The following CSGALNACT1 variants were observed in gnomAD, a reference collection of about 807,000 sequenced individuals.
The protein encoded by CSGALNACT1 is beta4GalNAcT-1.
A neutral mutation model predicts 51.0 loss-of-function variants in CSGALNACT1; 52 were observed. The observed-to-expected ratio is 1.02, with a 90% CI of 0.82 to 1.29. CSGALNACT1 has a LOEUF of 1.29. Among genes scored for constraint, CSGALNACT1 ranks in the 50% most tolerant of loss-of-function variants. The probability of loss-of-function intolerance (pLI) is 0.00; values close to 1 mark genes in which losing one functional copy is unlikely to be tolerated. For synonymous variants in CSGALNACT1, 341 were observed against 254.4 expected (o/e 1.34, Z -3.24); for missense variants, 935 against 679.2 (o/e 1.38, Z -4.19).
At chr8:19,542,950 G>A (rs919768035) in intron 3 of CSGALNACT1, among the ~76,000 whole-genome samples, 3 of 152,038 alleles carry the variant, frequency 2.0e-5, no homozygotes, top group African/African-American at 7.2e-5. Context: ...ATATCAGAGA[G>A]GTATGAGCTA....
At chr8:19,480,035 A>G (rs1390599381) in intron 4 of CSGALNACT1, among the ~76,000 whole-genome samples, 1 of 152,234 alleles carries the variant, frequency 6.6e-6, no homozygotes, top group Non-Finnish European at 1.5e-5. Flanking sequence ...TTGAATTACA[A>G]ATAACTACAA....
rs139313859 is a variant in CSGALNACT1 at position 19,751,208 on chromosome 8, T to C, written c.-297+6642A>G. The stretch of plus-strand genomic sequence containing the variant: ...GTCCTGGAGCCAGGCAGACGTGCAC[T>C]AAGGCCCAGCTACACCACTTACTAG... On this transcript the variant is annotated intron_variant, in intron 1 of 1. Transcript: ENST00000517494. Among the ~76,000 whole-genome samples the C allele has an allele frequency of 4.6e-5, 7 of 152,292 alleles. No individual in the cohort carries two copies. The East Asian group carries it at 1.4e-3, about 29-fold the overall frequency.
chr8:19,692,995 TC>T (rs2061406974), intron 1 of CSGALNACT1, among the ~76,000 whole-genome samples: 1 of 152,106 alleles, frequency 6.6e-6, no homozygotes, highest in Admixed American at 6.6e-5. Context: ...CCAGGTGAAA[TC>T]CATGATGCCA....
At chr8:19,427,606 G>T (rs1288423645) in intron 6 of CSGALNACT1, among the ~76,000 whole-genome samples, 4 of 152,114 alleles carry the variant, frequency 2.6e-5, no homozygotes, top group Non-Finnish European at 5.9e-5. Context: ...GGCTAACACG[G>T]TGAAACCCTG....
At chr8:19,411,070 T>C (rs2055603265) in intron 8 of CSGALNACT1, among the ~76,000 whole-genome samples, 1 of 152,180 alleles carries the variant, frequency 6.6e-6, no homozygotes. Context: ...ATTTTCTCCC[T>C]CTTGGATTCT....
At chr8:19,684,154 TG>T (rs2060831996), upstream of CSGALNACT1, among the ~76,000 whole-genome samples, 1 of 149,968 alleles carries the variant, frequency 6.7e-6, no homozygotes, top group Non-Finnish European at 1.5e-5. Context: ...CAACAGAACT[TG>T]ACTCCATCTC....
intron 3 of CSGALNACT1, chr8:19,585,073 G>A (rs1421627759): frequency 6.6e-6 from 1 of 152,210 alleles, no homozygotes; most frequent in African/African-American, 2.4e-5. Flanking sequence ...CTGCTAAGAA[G>A]TACTTCCCAG....
At chr8:19,576,535 A>G (rs2044256673) in intron 3 of CSGALNACT1, among the ~76,000 whole-genome samples, 3 of 151,758 alleles carry the variant, frequency 2.0e-5, no homozygotes, top group Admixed American at 2.0e-4. Context: ...TGGTGATAAG[A>G]TTGCTGTCAC....
intron 4 of CSGALNACT1, among the ~76,000 whole-genome samples, chr8:19,484,158 C>G (rs960869439): frequency 7.7e-6 from 1 of 130,076 alleles, no homozygotes; most frequent in African/African-American, 2.9e-5. Flanking sequence ...TTTTATTTTA[C>G]TTAATAATGG....
chr8:19,575,147 C>T (rs898041805), intron 3 of CSGALNACT1, among the ~76,000 whole-genome samples: 2 of 152,150 alleles, frequency 1.3e-5, no homozygotes, highest in African/African-American at 2.4e-5. Flanking sequence ...ATTTGGATCT[C>T]TAGTGCAAAA....
At chr8:19,615,800 G>A (rs1233081766) in intron 1 of CSGALNACT1, among the ~76,000 whole-genome samples, 1 of 151,982 alleles carries the variant, frequency 6.6e-6, no homozygotes, top group Non-Finnish European at 1.5e-5. Context: ...AAAGATGAAT[G>A]ACAACATTTA....
chr8:19,458,624 C>T (rs1424003273), exon 5 of CSGALNACT1: 1 of 1,613,994 alleles, frequency 6.2e-7, no homozygotes, highest in Non-Finnish European at 8.5e-7. Context: ...CCCTTTGTCC[C>T]TTTCTGTTCG....
At chr8:19,527,017 C>CCTAT (rs1167266360) in intron 3 of CSGALNACT1, among the ~76,000 whole-genome samples, 5 of 152,200 alleles carry the variant, frequency 3.3e-5, no homozygotes, top group Non-Finnish European at 7.3e-5. Flanking sequence ...TATCTACCCA[C>CCTAT]CTATCTATAT....
At chr8:19,444,118 G>A (rs2061745672) in intron 5 of CSGALNACT1, among the ~76,000 whole-genome samples, 1 of 152,170 alleles carries the variant, frequency 6.6e-6, no homozygotes, top group South Asian at 2.1e-4. Flanking sequence ...GTTCCTAACA[G>A]GCCACAGACC....
chr8:19,500,716 G>C lies in CSGALNACT1; in HGVS notation c.634+4485C>G, dbSNP rs536490992. On this transcript the variant is annotated intron_variant, in intron 4 of 9. Transcript: ENST00000454498. The stretch of plus-strand genomic sequence containing the variant: ...GGCATTGACTGTACAACCTGCTAAT[G>C]TGTGTTTATAGCTATCTCCCTGTGT... Among the ~76,000 whole-genome samples the C allele has an allele frequency of 7.9e-5, 12 of 152,338 alleles. No individual in the cohort carries two copies. In the East Asian group the frequency reaches 2.1e-3, roughly 27 times the overall value.
At chr8:19,692,821 C>T (rs1840578696) in intron 1 of CSGALNACT1, among the ~76,000 whole-genome samples, 2 of 152,204 alleles carry the variant, frequency 1.3e-5, no homozygotes, top group Non-Finnish European at 2.9e-5. Flanking sequence ...AGATCCTTAA[C>T]CTCCCCAGAA....
intron 4 of CSGALNACT1, chr8:19,494,917 AT>A (rs1377433418): frequency 6.6e-6 from 1 of 151,924 alleles, no homozygotes; most frequent in Non-Finnish European, 1.5e-5. Context: ...GTCGGGTAGG[AT>A]TTAGGCAGCT....
intron 1 of CSGALNACT1, among the ~76,000 whole-genome samples, chr8:19,715,652 G>C (rs1215920945): frequency 6.6e-6 from 1 of 152,148 alleles, no homozygotes; most frequent in African/African-American, 2.4e-5. Flanking sequence ...TGCATGCCTA[G>C]TAATTTTTAT....
chr8:19,540,921 G>A (rs1290966850), intron 3 of CSGALNACT1, among the ~76,000 whole-genome samples: 1 of 152,052 alleles, frequency 6.6e-6, no homozygotes, highest in African/African-American at 2.4e-5. Context: ...CTCCTCCACT[G>A]AGCTATAGCT....
Sources: gnomAD v4.1 joint callset for allele counts (sites outside exome capture counted in the v4.1 genomes callset) on GRCh38, gnomAD v4.1.1 for gene constraint, MANE v1.5 for transcripts, NCBI Gene and HGNC (gene_info 2026-07-23, HGNC 2026-07-21) for gene names.